CDH12: variants seen among roughly 807,000 people sequenced by gnomAD.
The protein encoded by CDH12 is cadherin 12.
In CDH12, 41 loss-of-function variants were observed where a neutral mutation model predicts 74.1. That is an observed-to-expected ratio of 0.55 (90% CI 0.43 to 0.72). The LOEUF is 0.72. Among genes scored for constraint, CDH12 ranks in the 30% least tolerant of loss-of-function variants. The probability of loss-of-function intolerance (pLI) is 0.00; values close to 1 mark genes in which losing one functional copy is unlikely to be tolerated. For missense variants in CDH12, 945 were observed against 977.2 expected, an observed-to-expected ratio of 0.97 and a Z score of 0.44; for synonymous variants, 399 against 355.0, an observed-to-expected ratio of 1.12 and a Z score of -1.39.
At chr5:22,263,323 C>T (rs573731471) in intron 3 of CDH12, among the ~76,000 whole-genome samples, 21 of 151,244 alleles carry the variant, frequency 1.4e-4, no homozygotes, top group African/African-American at 4.6e-4. Context: ...TTTGTTAACG[C>T]AATAACAGAA....
chr5:22,731,781 C>T (rs1744441853), intron 1 of CDH12, among the ~76,000 whole-genome samples: 1 of 151,846 alleles, frequency 6.6e-6, no homozygotes. Flanking sequence ...CACTTTGCAA[C>T]AAGAGAATTG....
At chr5:22,777,336 A>T (rs891484859) in intron 1 of CDH12, among the ~76,000 whole-genome samples, 1 of 152,098 alleles carries the variant, frequency 6.6e-6, no homozygotes, top group East Asian at 1.9e-4. Flanking sequence ...CAGTTGATAC[A>T]TTGTTTTGGT....
chr5:21,850,696 G>A (rs1371708053), intron 7 of CDH12, among the ~76,000 whole-genome samples: 1 of 151,432 alleles, frequency 6.6e-6, no homozygotes, highest in Non-Finnish European at 1.5e-5. Context: ...AAAGTCTTGG[G>A]AAAGTATCAG....
At chr5:22,050,356 C>A (rs113256022) in intron 5 of CDH12, among the ~76,000 whole-genome samples, 7 of 152,236 alleles carry the variant, frequency 4.6e-5, no homozygotes, top group African/African-American at 1.7e-4. Context: ...TAACACTCAA[C>A]ATTTTGTATC....
At position 22,465,034 on chromosome 5, in the gene CDH12, AG is replaced by A. The variant is rs575792983; in HGVS notation, c.-428+40235del. Among the ~76,000 whole-genome samples the A allele has an allele frequency of 8.4e-5, 5 of 59,190 alleles. No homozygotes were observed. The South Asian group carries it at 1.9e-3, about 22-fold the overall frequency. 38.8% of individuals were successfully genotyped at this position (59,190 alleles called of 152,430 possible). ...AGAGAGAGAGAGGAAGGAAGAAGGG[AG>A]GGGGGGAAGGGAGGAAGGGAGGGGG... On this transcript the variant is annotated intron_variant, in intron 2 of 14. Coordinates refer to ENST00000382254, the MANE Select transcript of CDH12 (RefSeq NM_004061.5).
intron 6 of CDH12, among the ~76,000 whole-genome samples, chr5:21,857,375 G>A (rs1193820234): frequency 6.6e-6 from 1 of 151,734 alleles, no homozygotes; most frequent in East Asian, 1.9e-4. Flanking sequence ...CAGAGAGAAT[G>A]CAGCTCATAG....
intron 2 of CDH12, among the ~76,000 whole-genome samples, chr5:22,419,335 T>A (rs1743535765): frequency 6.6e-6 from 1 of 152,072 alleles, no homozygotes; most frequent in Non-Finnish European, 1.5e-5. Flanking sequence ...CCCCAGTGTG[T>A]GTTGTTCCCC....
intron 11 of CDH12, among the ~76,000 whole-genome samples, chr5:21,781,484 G>A (rs1745905327): frequency 6.6e-6 from 1 of 152,098 alleles, no homozygotes; most frequent in African/African-American, 2.4e-5. Flanking sequence ...AGCACTTTGG[G>A]AGGCCGAGGC....
At chr5:22,602,987 C>T (rs1475254818) in intron 1 of CDH12, among the ~76,000 whole-genome samples, 1 of 152,132 alleles carries the variant, frequency 6.6e-6, no homozygotes. Flanking sequence ...AACATACACT[C>T]AACTTAGAAA....
chr5:22,828,136 T>C (rs1323171088), intron 1 of CDH12, among the ~76,000 whole-genome samples: 1 of 151,990 alleles, frequency 6.6e-6, no homozygotes, highest in Non-Finnish European at 1.5e-5. Flanking sequence ...AATAATCTGA[T>C]TAGAAAATAC....
intron 10 of CDH12, among the ~76,000 whole-genome samples, chr5:21,788,988 G>A (rs1746347423): frequency 6.6e-6 from 1 of 151,606 alleles, no homozygotes; most frequent in Non-Finnish European, 1.5e-5. Flanking sequence ...TTTACAATAA[G>A]TGGATATTTT....
chr5:22,633,627 G>A (rs937890183), intron 1 of CDH12, among the ~76,000 whole-genome samples: 1 of 152,180 alleles, frequency 6.6e-6, no homozygotes, highest in African/African-American at 2.4e-5. Flanking sequence ...GTGGAGGAAT[G>A]TTAAACTAAT....
chr5:22,461,239 G>T (rs1477857247), intron 2 of CDH12, among the ~76,000 whole-genome samples: 1 of 151,482 alleles, frequency 6.6e-6, no homozygotes, highest in African/African-American at 2.4e-5. Context: ...TGCTGGCCAG[G>T]GTGGTCTCGA....
Position 21,760,664 on chromosome 5 carries a change from T to G in CDH12, c.1527A>C (p.Ile509=). ...ENAKPGQIIQ[I]VSAADRDLSP... Reference sequence around the variant, plus strand: ...AAAGATCTCGGTCTGCAGCACTGACTATCTGAATTATCTGCAACAGAGTTG... The same window carrying G: ...AAAGATCTCGGTCTGCAGCACTGACGATCTGAATTATCTGCAACAGAGTTG... Residue 509 remains isoleucine, a synonymous_variant, in exon 13 of 15, where the codon ATA becomes ATC. Coordinates refer to ENST00000382254, the MANE Select transcript of CDH12 (RefSeq NM_004061.5). 6.4e-7 allele frequency: 1 copy of G among 1,574,356 alleles called. No individual in the cohort carries two copies. Among genetic ancestry groups the G allele is most frequent in the Non-Finnish European group, 8.7e-7 (1 of 1,144,112 alleles).
chr5:22,381,754 G>C (rs1424358899), intron 3 of CDH12, among the ~76,000 whole-genome samples: 1 of 151,150 alleles, frequency 6.6e-6, no homozygotes, highest in Non-Finnish European at 1.5e-5. Context: ...TTATTCTCTT[G>C]CTTTTATTTT....
chr5:22,299,944 T>G (rs1737797303), intron 3 of CDH12, among the ~76,000 whole-genome samples: 1 of 152,200 alleles, frequency 6.6e-6, no homozygotes, highest in Non-Finnish European at 1.5e-5. Context: ...CCAAGCAAAT[T>G]AACTAAAGCA....
At chr5:22,133,036 T>C (rs557621371) in intron 4 of CDH12, among the ~76,000 whole-genome samples, 2 of 152,276 alleles carry the variant, frequency 1.3e-5, no homozygotes, top group African/African-American at 4.8e-5. Flanking sequence ...AATGATTTTA[T>C]CTGTTTGAAT....
intron 3 of CDH12, among the ~76,000 whole-genome samples, chr5:22,387,485 G>C (rs566850880): frequency 1.2e-4 from 18 of 152,042 alleles, no homozygotes; most frequent in Non-Finnish European, 2.5e-4. Flanking sequence ...GAGTGGCTTT[G>C]ACTGAAAACA....
intron 1 of CDH12, among the ~76,000 whole-genome samples, chr5:22,549,708 T>C (rs1045001717): frequency 1.3e-5 from 2 of 152,214 alleles, no homozygotes; most frequent in African/African-American, 4.8e-5. Context: ...CTTGTTGGTG[T>C]CATGGTTAAT....
Sources: gnomAD v4.1 joint callset for allele counts (sites outside exome capture counted in the v4.1 genomes callset) on GRCh38, gnomAD v4.1.1 for gene constraint, MANE v1.5 for transcripts, NCBI Gene and HGNC (gene_info 2026-07-23, HGNC 2026-07-21) for gene names.